Variants in GOLPH3 observed in about 807,000 individuals in gnomAD.
GOLPH3 encodes golgi phosphoprotein 3, also known as coat protein GPP34.
A neutral mutation model predicts 28.5 loss-of-function variants in GOLPH3; 14 were observed. The ratio of observed to expected loss-of-function variants is 0.49; its 90% CI spans 0.32 to 0.77. GOLPH3 has a LOEUF of 0.77. GOLPH3 is among the 30% of genes least tolerant of loss of function. GOLPH3 has a pLI of 0.03. For synonymous variants in GOLPH3, 158 were observed against 159.2 expected (o/e 0.99, Z 0.06); for missense variants, 350 against 393.7 (o/e 0.89, Z 0.94).
chr5:32,128,597 G>A (rs181112984), intron 3 of GOLPH3, among the ~76,000 whole-genome samples: 1 of 152,192 alleles, frequency 6.6e-6, no homozygotes, highest in Non-Finnish European at 1.5e-5. Context: ...GAGGGCAGAG[G>A]TTGCAGTGAG....
At chr5:32,151,728 A>G (rs1746311750) in intron 1 of GOLPH3, among the ~76,000 whole-genome samples, 1 of 152,240 alleles carries the variant, frequency 6.6e-6, no homozygotes, top group South Asian at 2.1e-4. Context: ...GGATAAATAT[A>G]GTATATGCAT....
intron 1 of GOLPH3, among the ~76,000 whole-genome samples, chr5:32,173,344 A>AG (rs1326091758): frequency 1.3e-5 from 2 of 151,468 alleles, no homozygotes; most frequent in Admixed American, 6.6e-5. Flanking sequence ...CTGAAGAAGA[A>AG]GAAAAAAAAA....
intron 1 of GOLPH3, among the ~76,000 whole-genome samples, chr5:32,162,944 G>A (rs1746622350): frequency 6.6e-6 from 1 of 152,178 alleles, no homozygotes; most frequent in Admixed American, 6.5e-5. Context: ...CGGGTGTGGT[G>A]GCAGGCGCCT....
At chr5:32,154,439 G>A (rs911245220) in intron 1 of GOLPH3, among the ~76,000 whole-genome samples, 1 of 152,196 alleles carries the variant, frequency 6.6e-6, no homozygotes, top group African/African-American at 2.4e-5. Flanking sequence ...AGTATTCTGA[G>A]ATATCTGCAA....
At chr5:32,165,926 C>G (rs1746699920) in intron 1 of GOLPH3, among the ~76,000 whole-genome samples, 1 of 152,186 alleles carries the variant, frequency 6.6e-6, no homozygotes, top group South Asian at 2.1e-4. Flanking sequence ...CCCTGGAAAC[C>G]TGGAATTTTC....
In GOLPH3 at chr5:32,154,698, T is replaced by C. The variant is rs550096858; in HGVS notation, c.226-10818A>G. ...GAAATTTCCAACAGGCAGATAGGTC[T>C]GTCACCAAATGAACTCACTGGTCTT... is the stretch of plus-strand genomic sequence containing the variant. On this transcript the variant is annotated intron_variant, in intron 1 of 3. Transcript: ENST00000265070. Among the ~76,000 whole-genome samples, 151 of 152,338 alleles carry C rather than the reference T, an allele frequency of 9.9e-4. 1 individual carries two copies. The highest frequency in any genetic ancestry group is 9.7e-4 in the Non-Finnish European group (66 of 68,028).
intron 1 of GOLPH3, among the ~76,000 whole-genome samples, chr5:32,165,659 G>C (rs1289933539): frequency 6.6e-6 from 1 of 152,166 alleles, no homozygotes; most frequent in East Asian, 1.9e-4. Context: ...TTGACACACA[G>C]AACTAAAATG....
At chr5:32,139,637 G>A (rs1746012871) in intron 2 of GOLPH3, among the ~76,000 whole-genome samples, 1 of 152,148 alleles carries the variant, frequency 6.6e-6, no homozygotes, top group South Asian at 2.1e-4. Context: ...AGTAAGTGTG[G>A]TTCACAAATA....
intron 3 of GOLPH3, among the ~76,000 whole-genome samples, chr5:32,133,489 C>T (rs1745868466): frequency 6.6e-6 from 1 of 152,204 alleles, no homozygotes; most frequent in African/African-American, 2.4e-5. Flanking sequence ...CCAACACTGG[C>T]AGCACAACAT....
At chr5:32,140,398 A>G (rs754374327) in intron 2 of GOLPH3, among the ~76,000 whole-genome samples, 25 of 152,088 alleles carry the variant, frequency 1.6e-4, no homozygotes, top group Non-Finnish European at 2.5e-4. Flanking sequence ...GCTTACGCCT[A>G]TAATCCCAGC....
chr5:32,127,417 G>C (rs1745706752), intron 3 of GOLPH3, among the ~76,000 whole-genome samples: 1 of 152,178 alleles, frequency 6.6e-6, no homozygotes, highest in African/African-American at 2.4e-5. Context: ...ATATGTTAAA[G>C]ATCAACCACA....
intron 2 of GOLPH3, among the ~76,000 whole-genome samples, chr5:32,141,929 G>A (rs959315480): frequency 3.3e-5 from 5 of 151,810 alleles, no homozygotes; most frequent in East Asian, 1.9e-4. Flanking sequence ...AGGCTGGAGC[G>A]CAGTGGCGTG....
At chr5:32,171,504 G>C (rs1487543144) in intron 1 of GOLPH3, among the ~76,000 whole-genome samples, 2 of 148,322 alleles carry the variant, frequency 1.3e-5, no homozygotes, top group Admixed American at 1.3e-4. Flanking sequence ...TTTTTTTTCA[G>C]GTTTTTGTTT....
chr5:32,148,459 G>A (rs1746226496), intron 1 of GOLPH3, among the ~76,000 whole-genome samples: 1 of 152,112 alleles, frequency 6.6e-6, no homozygotes, highest in South Asian at 2.1e-4. Context: ...TCTATATAAG[G>A]TTGAATTCTG....
chr5:32,158,959 G>A (rs193281955), intron 1 of GOLPH3, among the ~76,000 whole-genome samples: 23 of 152,226 alleles, frequency 1.5e-4, no homozygotes, highest in African/African-American at 4.1e-4. Context: ...CTAATTCTTA[G>A]GAAACCTTGT....
At chr5:32,140,037 T>A (rs759883932) in intron 2 of GOLPH3, among the ~76,000 whole-genome samples, 7 of 151,960 alleles carry the variant, frequency 4.6e-5, no homozygotes, top group Non-Finnish European at 8.8e-5. Context: ...GCAAAAGATA[T>A]CAGAAATACA....
intron 2 of GOLPH3, among the ~76,000 whole-genome samples, chr5:32,138,123 T>G (rs999032586): frequency 1.3e-5 from 2 of 152,024 alleles, no homozygotes; most frequent in Non-Finnish European, 2.9e-5. Flanking sequence ...AGGCTGGTCT[T>G]GAACTCCTGA....
intron 3 of GOLPH3, among the ~76,000 whole-genome samples, chr5:32,127,800 T>C (rs1175836980): frequency 3.3e-5 from 5 of 152,212 alleles, no homozygotes; most frequent in Admixed American, 6.5e-5. Context: ...TGCCCTCTCA[T>C]TGTAATTAGA....
chr5:32,155,865 G>A (rs1444626213), intron 1 of GOLPH3, among the ~76,000 whole-genome samples: 1 of 144,670 alleles, frequency 6.9e-6, no homozygotes. Context: ...GCTGAGGCAG[G>A]AGAACTGCTT....
Sources: gnomAD v4.1 joint callset for allele counts (sites outside exome capture counted in the v4.1 genomes callset) on GRCh38, gnomAD v4.1.1 for gene constraint, MANE v1.5 for transcripts, NCBI Gene and HGNC (gene_info 2026-07-23, HGNC 2026-07-21) for gene names.